The following ANTXR2 variants were observed in gnomAD, a reference collection of about 807,000 sequenced individuals.
ANTXR2 encodes the protein ANTXR cell adhesion molecule 2, also known as anthrax toxin receptor 2.
A neutral mutation model predicts 73.7 loss-of-function variants in ANTXR2; 44 were observed. The observed-to-expected ratio is 0.60, with a 90% CI of 0.47 to 0.77. The LOEUF is 0.77. Ranked by LOEUF, ANTXR2 falls within the 30% of genes least tolerant of loss-of-function variation. The probability of loss-of-function intolerance (pLI) is 0.00; values close to 1 mark genes in which losing one functional copy is unlikely to be tolerated. For synonymous variants in ANTXR2, 217 were observed against 205.9 expected (o/e 1.05, Z -0.46); for missense variants, 604 against 592.5 (o/e 1.02, Z -0.20).
intron 12 of ANTXR2, among the ~76,000 whole-genome samples, chr4:79,987,722 G>A (rs1327844322): frequency 3.3e-5 from 5 of 152,122 alleles, no homozygotes; most frequent in Non-Finnish European, 5.9e-5. Flanking sequence ...CTACAGAGAA[G>A]GGCCAGGTTA....
chr4:79,981,560 C>A (rs1016091876), intron 14 of ANTXR2, among the ~76,000 whole-genome samples: 4 of 151,868 alleles, frequency 2.6e-5, no homozygotes, highest in African/African-American at 9.7e-5. Context: ...ATATATCAAA[C>A]AAAAATAAAT....
At position 79,933,731 on chromosome 4, in the gene ANTXR2, G is replaced by GTTTTT. The variant is rs201263531; in HGVS notation, c.1429-26265_1429-26264insAAAAA. ...CCCACCCCACAACAGGCCCTGGTGT[G>GTTTTT]TTTGTTTTTTTTTTTTTTTTTGAGA... On this transcript the variant is annotated intron_variant, in intron 16 of 16. Coordinates refer to ENST00000403729, the MANE Select transcript of ANTXR2 (RefSeq NM_058172.6). Among the ~76,000 whole-genome samples the GTTTTT allele has an allele frequency of 1.4e-4, 6 of 41,970 alleles. No homozygotes were observed. The East Asian group carries it at 6.6e-3, about 46-fold the overall frequency. 27.5% of individuals were successfully genotyped at this position (41,970 alleles called of 152,430 possible).
rs1201362765 is a variant in ANTXR2 at position 79,904,290 on chromosome 4, C to T, written c.*3139G>A. ...GAATAAAGTTCAAGGGAAATATAAG[C>T]AAACTACTTCTTTCTCTAACAATCT... On this transcript the variant is annotated 3_prime_UTR_variant, in exon 17 of 17. Coordinates refer to ENST00000403729, the MANE Select transcript of ANTXR2 (RefSeq NM_058172.6). The T allele has an allele frequency of 1.3e-5, 2 of 151,958 alleles. No homozygotes were observed. The highest frequency in any genetic ancestry group is 1.3e-4 in the Admixed American group (2 of 15,226). 9.4% of individuals were successfully genotyped at this position (151,958 alleles called of 1,614,324 possible). A position where few individuals can be genotyped will look rare whatever the true frequency, so the allele number is the denominator to read the frequency against.
intron 16 of ANTXR2, among the ~76,000 whole-genome samples, chr4:79,934,815 A>C (rs191038175): frequency 5.9e-5 from 9 of 151,682 alleles, no homozygotes; most frequent in African/African-American, 2.2e-4. Context: ...GTTAGGACAA[A>C]AAACTCCTCC....
chr4:80,025,181 A>T (rs1221846817), intron 10 of ANTXR2, among the ~76,000 whole-genome samples: 1 of 152,236 alleles, frequency 6.6e-6, no homozygotes, highest in East Asian at 1.9e-4. Flanking sequence ...GTCATTCCAC[A>T]TGAGAAATTA....
At chr4:80,033,985 A>G (rs1732831902) in intron 8 of ANTXR2, among the ~76,000 whole-genome samples, 1 of 152,062 alleles carries the variant, frequency 6.6e-6, no homozygotes, top group Non-Finnish European at 1.5e-5. Flanking sequence ...AAAACTAATT[A>G]TGTACGTTTT....
intron 3 of ANTXR2, 22 bp downstream of exon 3, chr4:80,069,414 A>T (rs1252628170): frequency 5.8e-6 from 9 of 1,539,670 alleles, no homozygotes; most frequent in African/African-American, 2.7e-5. Flanking sequence ...AAAAGCCTGC[A>T]GTGAAATGAT....
intron 7 of ANTXR2, among the ~76,000 whole-genome samples, chr4:80,042,017 T>C (rs1560418978): frequency 6.6e-6 from 1 of 152,156 alleles, no homozygotes; most frequent in African/African-American, 2.4e-5. Flanking sequence ...TTAATCATTC[T>C]ATGAATTAGT....
In ANTXR2 at chr4:79,962,586, G is replaced by C. The variant is rs1304250254; in HGVS notation, c.1428+15035C>G. On this transcript the variant is annotated intron_variant, in intron 16 of 16. Coordinates refer to ENST00000403729, the MANE Select transcript of ANTXR2 (RefSeq NM_058172.6). ...AATTTCAGATCTTATAGAAATAAAA[G>C]GTAAACAATGGGTTTACAGTTTTTA... Among the ~76,000 whole-genome samples, 3 of 151,928 alleles carry C rather than the reference G, an allele frequency of 2.0e-5. No individual in the cohort carries two copies. The East Asian group carries it at 5.8e-4, about 29-fold the overall frequency.
At chr4:79,911,996 AAATTG>A (rs1259579631) in intron 16 of ANTXR2, among the ~76,000 whole-genome samples, 1 of 151,936 alleles carries the variant, frequency 6.6e-6, no homozygotes, top group Non-Finnish European at 1.5e-5. Context: ...AGTTAATATA[AAATTG>A]AATTAAATTA....
intron 16 of ANTXR2, among the ~76,000 whole-genome samples, chr4:79,927,610 C>T (rs1727871242): frequency 1.3e-5 from 2 of 151,978 alleles, no homozygotes; most frequent in African/African-American, 4.8e-5. Flanking sequence ...TTATTTTTAT[C>T]GTTATAGTAT....
intron 16 of ANTXR2, among the ~76,000 whole-genome samples, chr4:79,925,813 G>C (rs4690109): frequency 0.13 from 19,599 of 151,982 alleles, 2,510 homozygotes; most frequent in East Asian, 0.68. Context: ...TCACAGAGGT[G>C]GTGTCTATGA....
At chr4:80,039,308 T>TAC (rs752946533) in intron 7 of ANTXR2, among the ~76,000 whole-genome samples, 4 of 152,124 alleles carry the variant, frequency 2.6e-5, no homozygotes, top group Non-Finnish European at 4.4e-5. Context: ...ATCTAGAGTT[T>TAC]ACCATGTTCC....
intron 3 of ANTXR2, among the ~76,000 whole-genome samples, chr4:80,059,811 C>G (rs1255046456): frequency 6.6e-6 from 1 of 152,048 alleles, no homozygotes; most frequent in African/African-American, 2.4e-5. Flanking sequence ...CTGCCATGCA[C>G]TGTGCCATAT....
At chr4:79,916,390 AATAG>A (rs1405661251) in intron 16 of ANTXR2, among the ~76,000 whole-genome samples, 1 of 152,164 alleles carries the variant, frequency 6.6e-6, no homozygotes, top group African/African-American at 2.4e-5. Flanking sequence ...GGTATTAATA[AATAG>A]ATATAGATAT....
chr4:79,977,679 G>T lies in ANTXR2; in HGVS notation c.1370C>A (p.Ala457Asp). Residue 457 changes from alanine (A) to aspartate (D), a missense_variant, in exon 16 of 17, where the codon GCT becomes GAT. Transcript: ENST00000403729. ...CCGGTCATACTGCCGCCTCAACAAA[G>T]CCCAGAGAGCATCAAGACGACCCTA... Reference protein sequence around the residue: ...PIKGRLDALWALLRRQYDRVS... With the variant: ...PIKGRLDALWDLLRRQYDRVS... 6.3e-7 allele frequency: 1 copy of T among 1,579,466 alleles called. No homozygotes were observed. Among genetic ancestry groups the T allele is most frequent in the Non-Finnish European group, 8.6e-7 (1 of 1,162,010 alleles).
chr4:80,053,758 A>T (rs1336728198), intron 7 of ANTXR2, among the ~76,000 whole-genome samples: 2 of 151,744 alleles, frequency 1.3e-5, no homozygotes, highest in Non-Finnish European at 2.9e-5. Context: ...ATCACTAGAG[A>T]CAGCACAACT....
chr4:79,991,135 G>A (rs1312432328), intron 12 of ANTXR2, among the ~76,000 whole-genome samples: 12 of 151,846 alleles, frequency 7.9e-5, no homozygotes, highest in Admixed American at 2.0e-4. Context: ...TCTGCACAGC[G>A]AAAGAAACTG....
intron 3 of ANTXR2, among the ~76,000 whole-genome samples, chr4:80,067,420 G>A (rs1485289390): frequency 2.0e-5 from 3 of 152,198 alleles, no homozygotes; most frequent in Non-Finnish European, 4.4e-5. Context: ...GTCTAGCAAA[G>A]AACCTGGCAC....
Sources: gnomAD v4.1 joint callset for allele counts (sites outside exome capture counted in the v4.1 genomes callset) on GRCh38, gnomAD v4.1.1 for gene constraint, MANE v1.5 for transcripts, NCBI Gene and HGNC (gene_info 2026-07-23, HGNC 2026-07-21) for gene names.